Variants in TTLL5 observed in about 807,000 individuals in gnomAD.
TTLL5 encodes the protein tubulin polyglutamylase TTLL5.
TTLL5 carries 132 observed loss-of-function variants against 168.4 expected under a neutral mutation model. The observed-to-expected ratio is 0.78, with a 90% CI of 0.68 to 0.91. The LOEUF (loss-of-function observed/expected upper bound fraction) is 0.91, where lower values mean the gene tolerates loss of function less well. Among genes scored for constraint, TTLL5 ranks in the 40% least tolerant of loss-of-function variants. TTLL5 has a pLI of 0.00. For synonymous variants in TTLL5, 546 were observed against 558.6 expected (o/e 0.98, Z 0.32); for missense variants, 1,545 against 1,581.5 (o/e 0.98, Z 0.39).
rs1168586525 is a variant in TTLL5 at position 75,936,031 on chromosome 14, T to G, written c.3824-18393T>G. On this transcript the variant is annotated intron_variant, in intron 31 of 31. Transcript: ENST00000298832. Reference sequence around the variant, plus strand: ...CATGCTCTATTCTCTTAAATAGTAATTTGAGTTTTCTGGTTCTCTCTCCTT... The same window carrying G: ...CATGCTCTATTCTCTTAAATAGTAAGTTGAGTTTTCTGGTTCTCTCTCCTT... Among the ~76,000 whole-genome samples, 5 of 152,220 alleles carry G rather than the reference T, an allele frequency of 3.3e-5. No individual in the cohort carries two copies. In the South Asian group the frequency reaches 1.0e-3, roughly 31 times the overall value.
intron 31 of TTLL5, among the ~76,000 whole-genome samples, chr14:75,922,816 C>G (rs569369091): frequency 6.6e-6 from 1 of 152,286 alleles, no homozygotes; most frequent in African/African-American, 2.4e-5. Context: ...ACCATCTCCC[C>G]TTTGTACCTC....
intron 2 of TTLL5, among the ~76,000 whole-genome samples, chr14:75,665,962 T>C (rs1883225630): frequency 6.6e-6 from 1 of 152,224 alleles, no homozygotes; most frequent in South Asian, 2.1e-4. Context: ...AAATACTGAA[T>C]TTCTAGTAAA....
intron 23 of TTLL5, among the ~76,000 whole-genome samples, chr14:75,777,958 T>C (rs1566600023): frequency 1.3e-5 from 2 of 148,978 alleles, no homozygotes; most frequent in South Asian, 2.1e-4. Flanking sequence ...ATCAACGTTA[T>C]AAAAACAGAA....
chr14:75,831,685 G>A (rs1163411272), intron 28 of TTLL5, among the ~76,000 whole-genome samples: 3 of 152,172 alleles, frequency 2.0e-5, no homozygotes, highest in East Asian at 3.9e-4. Flanking sequence ...TTTCAGAGAC[G>A]CCAAATCTTT....
chr14:75,909,442 CT>C (rs1172876707), intron 31 of TTLL5, among the ~76,000 whole-genome samples: 1 of 151,686 alleles, frequency 6.6e-6, no homozygotes, highest in Non-Finnish European at 1.5e-5. Context: ...CTGACCTAGG[CT>C]TTTCCCCCCA....
chr14:75,891,948 C>T (rs762270808), intron 30 of TTLL5, among the ~76,000 whole-genome samples: 21 of 152,204 alleles, frequency 1.4e-4, no homozygotes, highest in Non-Finnish European at 2.9e-4. Context: ...CCAATGTCTG[C>T]TGGTCAGCGT....
chr14:75,899,065 T>G (rs2032803007), intron 30 of TTLL5, among the ~76,000 whole-genome samples: 1 of 152,212 alleles, frequency 6.6e-6, no homozygotes, highest in Non-Finnish European at 1.5e-5. Flanking sequence ...GCAGTATTGC[T>G]AAGTAAAAAA....
chr14:75,859,915 C>T (rs771485035), intron 28 of TTLL5, among the ~76,000 whole-genome samples: 13 of 152,204 alleles, frequency 8.5e-5, no homozygotes, highest in Non-Finnish European at 1.8e-4. Flanking sequence ...GTGACACCCA[C>T]TGTAACTCAA....
chr14:75,784,103 C>T (rs1195219125), intron 26 of TTLL5, among the ~76,000 whole-genome samples: 1 of 152,142 alleles, frequency 6.6e-6, no homozygotes, highest in Non-Finnish European at 1.5e-5. Context: ...TCTTCACAGA[C>T]TTGTACATTC....
At chr14:75,661,617 TC>T (rs1890732000) in intron 1 of TTLL5, 1 of 152,350 alleles carries the variant, frequency 6.6e-6, no homozygotes, top group South Asian at 2.1e-4. Flanking sequence ...CAGATTCCTT[TC>T]GGGAGAGGAG....
chr14:75,899,442 C>G (rs138425487), intron 30 of TTLL5, among the ~76,000 whole-genome samples: 1 of 152,314 alleles, frequency 6.6e-6, no homozygotes, highest in East Asian at 1.9e-4. Context: ...GTTATCACAA[C>G]AAAAGCATAT....
chr14:75,715,942 A>G (rs1488874193), intron 9 of TTLL5, among the ~76,000 whole-genome samples: 1 of 152,148 alleles, frequency 6.6e-6, no homozygotes, highest in Non-Finnish European at 1.5e-5. Flanking sequence ...AAGTACTTGT[A>G]GTAACTACAA....
chr14:75,783,234 A>T lies in TTLL5; in HGVS notation c.2690A>T (p.Asn897Ile), dbSNP rs757665738. 3 of 1,614,160 alleles carry T rather than the reference A, an allele frequency of 1.9e-6. No homozygotes were observed. In the East Asian group the frequency reaches 6.7e-5, roughly 36 times the overall value. ...ACTGCTACTCTGCAGAAAATTCCCA[A>T]CACCCATTTGTCATCTGTTACAACC... ...GPTATLQKIP[N>I]THLSSVTTSD... is the part of the protein sequence containing the mutation. The change falls in exon 26 of 32, where the codon AAC becomes ATC. Residue 897 changes from asparagine to isoleucine, a missense_variant. Physicochemically the swap from Asn to Ile is moderately radical, Grantham distance 149 (BLOSUM62 -3). Transcript: ENST00000298832.
At chr14:75,737,236 A>G (rs1301502130) in intron 15 of TTLL5, among the ~76,000 whole-genome samples, 2 of 152,250 alleles carry the variant, frequency 1.3e-5, no homozygotes, top group Non-Finnish European at 2.9e-5. Flanking sequence ...GGACACTTAC[A>G]TAAAGGCTAA....
chr14:75,863,254 C>G (rs1381180147), intron 28 of TTLL5, among the ~76,000 whole-genome samples: 1 of 152,164 alleles, frequency 6.6e-6, no homozygotes. Context: ...AACCCTTTTC[C>G]TTTTGAAGTT....
intron 31 of TTLL5, among the ~76,000 whole-genome samples, chr14:75,924,610 C>T (rs1056933074): frequency 6.6e-5 from 10 of 151,808 alleles, no homozygotes; most frequent in African/African-American, 1.9e-4. Context: ...GTAAGGTCAC[C>T]GATCAACAGG....
At chr14:75,933,298 A>AC (rs1443870217) in intron 31 of TTLL5, among the ~76,000 whole-genome samples, 2 of 151,950 alleles carry the variant, frequency 1.3e-5, no homozygotes, top group Admixed American at 6.5e-5. Flanking sequence ...CTACAAAAAA[A>AC]AATTAAAAAA....
intron 31 of TTLL5, among the ~76,000 whole-genome samples, chr14:75,953,063 A>G (rs1357206893): frequency 1.3e-5 from 2 of 152,240 alleles, no homozygotes; most frequent in East Asian, 1.9e-4. Context: ...ATCAATAACA[A>G]TTCAATAGGA....
chr14:75,697,392 T>A (rs1292841615), intron 6 of TTLL5, among the ~76,000 whole-genome samples: 1 of 152,238 alleles, frequency 6.6e-6, no homozygotes, highest in Non-Finnish European at 1.5e-5. Flanking sequence ...AGAGGTAGAA[T>A]TGCTCACAGA....
Sources: allele counts gnomAD v4.1 joint callset (sites outside exome capture counted in the v4.1 genomes callset), GRCh38; gene constraint gnomAD v4.1.1; transcripts MANE v1.5; gene names NCBI Gene and HGNC (gene_info 2026-07-23, HGNC 2026-07-21).